Variants in COMMD7 observed in about 807,000 individuals in gnomAD.
COMMD7 encodes the protein COMM domain-containing protein 7.
Under a neutral mutation model 34.8 loss-of-function variants are expected in COMMD7, and 28 were observed. The ratio of observed to expected loss-of-function variants is 0.80; its 90% CI spans 0.60 to 1.10. The LOEUF (loss-of-function observed/expected upper bound fraction) is 1.10. Ranked by LOEUF, COMMD7 falls within the 50% of genes least tolerant of loss-of-function variation. COMMD7 has a pLI of 0.00. For synonymous variants in COMMD7, 80 were observed against 86.4 expected (o/e 0.93, Z 0.41); for missense variants, 211 against 241.6 (o/e 0.87, Z 0.84).
At chr20:32,741,018 C>CT (rs930550105) in intron 1 of COMMD7, among the ~76,000 whole-genome samples, 18 of 151,950 alleles carry the variant, frequency 1.2e-4, no homozygotes, top group Admixed American at 6.6e-5. Flanking sequence ...TGGTGCACGC[C>CT]TGTAGTCCCA....
At chr20:32,716,945 G>C (rs950188039) in intron 3 of COMMD7, among the ~76,000 whole-genome samples, 1 of 151,748 alleles carries the variant, frequency 6.6e-6, no homozygotes, top group Non-Finnish European at 1.5e-5. Flanking sequence ...CGCCTCCCGG[G>C]TTCAGCCTCC....
At chr20:32,724,160 C>A (rs1177779874) in intron 3 of COMMD7, among the ~76,000 whole-genome samples, 1 of 20,844 alleles carries the variant, frequency 4.8e-5, no homozygotes, top group Non-Finnish European at 1.4e-4. Context: ...CAGCCCCCCG[C>A]CCGGCCAGCC....
At chr20:32,722,585 A>G (rs1191724530) in intron 3 of COMMD7, among the ~76,000 whole-genome samples, 3 of 151,814 alleles carry the variant, frequency 2.0e-5, no homozygotes, top group African/African-American at 7.3e-5. Flanking sequence ...TTAGCCAGGC[A>G]TGGTGGTGGG....
In COMMD7 at chr20:32,704,890, A is replaced by G. The variant is rs1427214251; in HGVS notation, c.351T>C (p.Ala117=). The G allele has an allele frequency of 6.2e-7, 1 of 1,613,788 alleles. No homozygotes were observed. The highest frequency in any genetic ancestry group is 1.7e-5 in the Admixed American group (1 of 59,994). Residue 117 remains alanine, a synonymous_variant, in exon 6 of 9, where the codon GCT becomes GCC. Transcript: ENST00000278980. ...CTATGGCCCATCGAGCAAGGGTGGG[A>G]GCATTCTGCTTCCACTGGAACAAAA... ...TYFSEKWKQN[A]PTLARWAIGQ...
chr20:32,718,040 G>T (rs1382747832), intron 3 of COMMD7, among the ~76,000 whole-genome samples: 1 of 150,864 alleles, frequency 6.6e-6, no homozygotes, highest in African/African-American at 2.4e-5. Flanking sequence ...AGCGAGCCGA[G>T]ATCGTGCCAC....
At position 32,703,338 on chromosome 20, in the gene COMMD7, G is replaced by C; in HGVS notation, c.*44C>G. 6.4e-7 allele frequency: 1 copy of C among 1,565,030 alleles called. No individual in the cohort carries two copies. Among genetic ancestry groups the C allele is most frequent in the Non-Finnish European group, 8.8e-7 (1 of 1,139,642 alleles). ...TCTCAGAGCAGTCACCCAGGGAAGG[G>C]AGGAGGGCAGGGAACGGGGCCAGGG... On this transcript the variant is annotated 3_prime_UTR_variant, in exon 9 of 9. Coordinates refer to ENST00000278980, the MANE Select transcript of COMMD7 (RefSeq NM_053041.3).
Position 32,703,265 on chromosome 20 carries a change from G to T in COMMD7, c.*117C>A. The T allele has an allele frequency of 1.1e-6, 1 of 876,262 alleles. No homozygotes were observed. The highest frequency in any genetic ancestry group is 1.8e-6 in the Non-Finnish European group (1 of 564,140). The allele number at this position is 876,262 out of a possible 1,614,324, so 54.3% of individuals were successfully genotyped here. On this transcript the variant is annotated 3_prime_UTR_variant, in exon 9 of 9. Transcript: ENST00000278980. ...ACCCTTTGCACCTGGGCCCCATGGA[G>T]CCAGCAGGGCCCCATGGAGCATCCC...
chr20:32,727,893 C>A lies in COMMD7; in HGVS notation c.241G>T (p.Gly81Cys), dbSNP rs199511259. Residue 81 changes from glycine to cysteine, a missense_variant and splice_region_variant, in exon 3 of 9, where the codon GGT (glycine) becomes TGT (cysteine). Physicochemically the swap from Gly to Cys is radical, Grantham distance 159 (BLOSUM62 -3). Coordinates refer to ENST00000278980, the MANE Select transcript of COMMD7 (RefSeq NM_053041.3). ...ACAGCTGCTAAGAGAGGTTACTCAC[C>A]ATTTGGAACCAGAAGGAGGCTTTTC... Reference protein sequence around the residue: ...IVKSLLLVPNGALKKSLTAKQ... With the variant: ...IVKSLLLVPNCALKKSLTAKQ... 8.6e-5 allele frequency: 138 copies of A among 1,608,286 alleles called. No homozygotes were observed. Among genetic ancestry groups the A allele is most frequent in the Non-Finnish European group, 1.1e-4 (132 of 1,174,906 alleles).
chr20:32,734,297 A>AC (rs1163992972), intron 1 of COMMD7, among the ~76,000 whole-genome samples: 1 of 151,664 alleles, frequency 6.6e-6, no homozygotes, highest in African/African-American at 2.4e-5. Context: ...AGATGGTGAA[A>AC]CCCCGTCTCT....
Position 32,703,107 on chromosome 20 carries a change from C to T in COMMD7, c.*275G>A. 3.1e-6 allele frequency: 1 copy of T among 317,736 alleles called. No homozygotes were observed. The highest frequency in any genetic ancestry group is 2.1e-5 in the African/African-American group (1 of 46,854). 19.7% of individuals were successfully genotyped at this position (317,736 alleles called of 1,614,324 possible). On this transcript the variant is annotated 3_prime_UTR_variant, in exon 9 of 9. Transcript: ENST00000278980. ...TGACAACTTATTTTCTCCCCTGAAT[C>T]TGAGATGCAGTGGCCTGTCAGAGTA... is the stretch of plus-strand genomic sequence containing the variant.
At chr20:32,732,391 G>A (rs922256723) in intron 1 of COMMD7, among the ~76,000 whole-genome samples, 6 of 151,984 alleles carry the variant, frequency 3.9e-5, no homozygotes, top group African/African-American at 7.2e-5. Flanking sequence ...ACACCCAACC[G>A]GCATCAAATT....
chr20:32,725,522 G>T (rs1009422939), intron 3 of COMMD7, among the ~76,000 whole-genome samples: 1 of 144,894 alleles, frequency 6.9e-6, no homozygotes. Context: ...TCCGCCTCCC[G>T]GGATCACGCC....
At chr20:32,709,903 T>TA (rs1984332508) in intron 3 of COMMD7, among the ~76,000 whole-genome samples, 1 of 151,440 alleles carries the variant, frequency 6.6e-6, no homozygotes, top group East Asian at 1.9e-4. Context: ...TTTTTTTTTT[T>TA]AATCTCATTC....
intron 3 of COMMD7, among the ~76,000 whole-genome samples, chr20:32,719,650 A>T (rs1361235308): frequency 1.1e-4 from 17 of 151,398 alleles, no homozygotes; most frequent in Non-Finnish European, 4.4e-5. Flanking sequence ...AACTCCATCT[A>T]AAAAAAAATA....
At chr20:32,729,747 C>T (rs965395161) in intron 1 of COMMD7, among the ~76,000 whole-genome samples, 2 of 152,072 alleles carry the variant, frequency 1.3e-5, no homozygotes, top group Non-Finnish European at 2.9e-5. Flanking sequence ...TGGCTCACAC[C>T]TGTAATCCCA....
At position 32,704,898 on chromosome 20, in the gene COMMD7, G is replaced by T. The variant is rs543076276; in HGVS notation, c.343C>A (p.Gln115Lys). Residue 115 changes from glutamine (Q) to lysine (K), a missense_variant, in exon 6 of 9, where the codon CAG (glutamine) becomes AAG (lysine). Transcript: ENST00000278980. Reference protein sequence around the residue: ...KATYFSEKWKQNAPTLARWAI... With the variant: ...KATYFSEKWKKNAPTLARWAI... The stretch of plus-strand genomic sequence containing the variant: ...CATCGAGCAAGGGTGGGAGCATTCT[G>T]CTTCCACTGGAACAAAAGCAAAAGA... The T allele has an allele frequency of 2.5e-6, 4 of 1,612,674 alleles. No homozygotes were observed. In the Admixed American group the frequency reaches 6.7e-5, roughly 27 times the overall value.
intron 3 of COMMD7, among the ~76,000 whole-genome samples, chr20:32,715,375 C>T (rs1311439847): frequency 7.1e-6 from 1 of 140,714 alleles, no homozygotes; most frequent in Non-Finnish European, 1.5e-5. Context: ...CCCAGCTACT[C>T]GGGAGGCTGA....
chr20:32,725,226 T>G (rs999436522), intron 3 of COMMD7, among the ~76,000 whole-genome samples: 2 of 151,946 alleles, frequency 1.3e-5, no homozygotes, highest in African/African-American at 4.8e-5. Flanking sequence ...CCAGGTATGA[T>G]GAAAAAATGT....
At chr20:32,704,159 C>A in intron 7 of COMMD7, 88 bp from the exon 8 acceptor site, 1 of 1,127,226 alleles carries the variant, frequency 8.9e-7, no homozygotes, top group Non-Finnish European at 1.3e-6. Flanking sequence ...ATTAAGCTTC[C>A]AACCTGAGAG....
Sources: allele counts gnomAD v4.1 joint callset (sites outside exome capture counted in the v4.1 genomes callset), GRCh38; gene constraint gnomAD v4.1.1; transcripts MANE v1.5; gene names NCBI Gene and HGNC (gene_info 2026-07-23, HGNC 2026-07-21).